Variants in ZNF100 observed in about 807,000 individuals in gnomAD.
ZNF100 encodes zinc finger protein 100 (Y1).
ZNF100 carries 12 observed loss-of-function variants against 15.8 expected under a neutral mutation model. The observed-to-expected ratio is 0.76, with a 90% CI of 0.49 to 1.23. The LOEUF is 1.23. Ranked by LOEUF, ZNF100 falls within the 50% of genes most tolerant of loss-of-function variation. The pLI is 0.00. For synonymous variants in ZNF100, 226 were observed against 214.8 expected, an observed-to-expected ratio of 1.05 and a Z score of -0.45; for missense variants, 670 against 635.6, an observed-to-expected ratio of 1.05 and a Z score of -0.58.
At chr19:21,767,009 G>T (rs12982550) in intron 1 of ZNF100, among the ~76,000 whole-genome samples, 1,678 of 145,516 alleles carry the variant, frequency 0.012, 15 homozygotes, top group Middle Eastern at 0.018. Context: ...CAAAAAAATC[G>T]TTAATATTTG....
intron 4 of ZNF100, among the ~76,000 whole-genome samples, chr19:21,735,560 G>A (rs2035994441): frequency 1.3e-5 from 2 of 150,004 alleles, no homozygotes; most frequent in South Asian, 4.2e-4. Flanking sequence ...TCAACTCACT[G>A]GTGTGCTGTA....
chr19:21,730,937 A>G (rs1159035803), intron 4 of ZNF100, among the ~76,000 whole-genome samples: 2 of 152,306 alleles, frequency 1.3e-5, no homozygotes, highest in Admixed American at 1.3e-4. Context: ...AAATGTCCAT[A>G]CTTTTCAAAG....
At chr19:21,732,318 T>C (rs958490002) in intron 4 of ZNF100, among the ~76,000 whole-genome samples, 12 of 152,224 alleles carry the variant, frequency 7.9e-5, no homozygotes, top group East Asian at 1.9e-4. Flanking sequence ...ACAACAGATA[T>C]TGAAATTAGG....
intron 2 of ZNF100, among the ~76,000 whole-genome samples, chr19:21,764,903 A>G (rs2036535559): frequency 6.6e-6 from 1 of 152,108 alleles, no homozygotes; most frequent in Non-Finnish European, 1.5e-5. Flanking sequence ...CCAATTATCC[A>G]CCACATTTTC....
At chr19:21,733,685 C>T (rs1472575389) in intron 4 of ZNF100, among the ~76,000 whole-genome samples, 1 of 152,258 alleles carries the variant, frequency 6.6e-6, no homozygotes, top group Non-Finnish European at 1.5e-5. Flanking sequence ...CAGTGAAGCA[C>T]ACCCCCTTCA....
At chr19:21,763,975 A>G (rs2145749523) in intron 2 of ZNF100, among the ~76,000 whole-genome samples, 1 of 152,310 alleles carries the variant, frequency 6.6e-6, no homozygotes, top group Non-Finnish European at 1.5e-5. Flanking sequence ...TAAAACAATA[A>G]CAACTTCATC....
At chr19:21,761,531 G>A (rs564474022) in intron 2 of ZNF100, among the ~76,000 whole-genome samples, 76 of 152,078 alleles carry the variant, frequency 5.0e-4, no homozygotes, top group Admixed American at 1.0e-3. Context: ...CCTGGCTAGC[G>A]GTAAATAAAA....
chr19:21,732,434 G>A (rs186613975), intron 4 of ZNF100, among the ~76,000 whole-genome samples: 1 of 152,086 alleles, frequency 6.6e-6, no homozygotes, highest in African/African-American at 2.4e-5. Flanking sequence ...TATTTGTAGA[G>A]GCAAACAAAC....
rs138292237 is a variant in ZNF100, at chr19:21,727,323, G to T, written c.989C>A (p.Ser330Ter). Residue 330 changes from serine (S) to a stop codon, truncating the protein, a stop_gained, in exon 5 of 5, where the codon TCA becomes TAA. Transcript: ENST00000358296. LOFTEE classifies it low-confidence loss of function (END_TRUNC). ...AATTATCCTGTGTGTAGTAAGGTGT[G>T]AGGACCGGTTAAAAGCTTTGCCACA... The part of the protein sequence containing the change: ...TECGKAFNRS[S>*]HLTTHRIIHT... 15,058 of 1,609,488 alleles carry T rather than the reference G, an allele frequency of 9.4e-3. 132 individuals are homozygous for T. Among genetic ancestry groups the T allele is most frequent in the Non-Finnish European group, 0.01 (12,243 of 1,176,558 alleles).
At chr19:21,736,680 A>T (rs2036013835) in intron 4 of ZNF100, among the ~76,000 whole-genome samples, 2 of 152,218 alleles carry the variant, frequency 1.3e-5, no homozygotes, top group South Asian at 4.1e-4. Flanking sequence ...CAAAAGAACC[A>T]AAATCATAAC....
Position 21,727,695 on chromosome 19 carries a change from T to G in ZNF100, c.617A>C (p.Lys206Thr). Residue 206 changes from lysine (K) to threonine (T), a missense_variant, in exon 5 of 5, where the codon AAA becomes ACA. Lys to Thr is a moderately conservative substitution (Grantham distance 78). Coordinates refer to ENST00000358296, the MANE Select transcript of ZNF100 (RefSeq NM_173531.4). ...KIRHTRKKPF[K>T]CKKCEKSFCM... ...AAATGATTTTTCACATTTTTTACAT[T>G]TGAAAGGTTTCTTTCTAGTATGTCT... The G allele has an allele frequency of 1.9e-6, 3 of 1,613,310 alleles. No individual in the cohort carries two copies. Among genetic ancestry groups the G allele is most frequent in the Non-Finnish European group, 2.5e-6 (3 of 1,179,754 alleles).
intron 2 of ZNF100, among the ~76,000 whole-genome samples, chr19:21,756,572 G>A (rs950760988): frequency 2.0e-5 from 3 of 152,086 alleles, no homozygotes; most frequent in African/African-American, 7.2e-5. Flanking sequence ...ATCAAACACT[G>A]CTTAAAGAAG....
chr19:21,752,750 TAATATAGTTTGGGCCCTCC>T (rs1327547096), intron 2 of ZNF100: 1 of 152,280 alleles, frequency 6.6e-6, no homozygotes, highest in Non-Finnish European at 1.5e-5. Flanking sequence ...TTTTAAGCTT[TAATATAGTTTGGGCCCTCC>T]AAGGTACTGC....
At chr19:21,751,242 C>G in intron 2 of ZNF100, 2 of 1,234,694 alleles carry the variant, frequency 1.6e-6, no homozygotes, top group Admixed American at 3.4e-5. Context: ...ACAGAACAGT[C>G]AGCCAGCCTA....
chr19:21,755,282 G>A (rs2036374581), intron 2 of ZNF100, among the ~76,000 whole-genome samples: 1 of 151,388 alleles, frequency 6.6e-6, no homozygotes, highest in African/African-American at 2.4e-5. Context: ...ACTCCAGCCT[G>A]GCCAATGAGA....
chr19:21,765,561 A>T, intron 2 of ZNF100, 133 bp downstream of exon 2: 1 of 745,926 alleles, frequency 1.3e-6, no homozygotes, highest in Non-Finnish European at 2.2e-6. Context: ...TGCCCCCCTT[A>T]GATGATCCAG....
In ZNF100 at chr19:21,726,342, T is replaced by C. The variant is rs1341872378; in HGVS notation, c.*341A>G. 2 of 224,798 alleles carry C rather than the reference T, an allele frequency of 8.9e-6. No individual in the cohort carries two copies. The highest frequency in any genetic ancestry group is 2.3e-5 in the African/African-American group (1 of 43,414). The allele number at this position is 224,798 out of a possible 1,614,324, so 13.9% of individuals were successfully genotyped here. On this transcript the variant is annotated 3_prime_UTR_variant, in exon 5 of 5. Coordinates refer to ENST00000358296, the MANE Select transcript of ZNF100 (RefSeq NM_173531.4). ...AAGGTGTGAGCATTAGTTAAAAGTT[T>C]TGTCACACTGTTCACACATGTAGAA...
intron 2 of ZNF100, among the ~76,000 whole-genome samples, chr19:21,758,773 G>C (rs948635129): frequency 1.3e-5 from 2 of 152,124 alleles, no homozygotes; most frequent in Non-Finnish European, 2.9e-5. Context: ...TCAGAATCCT[G>C]TGGTGATAGC....
chr19:21,736,170 C>G (rs939685424), intron 4 of ZNF100, among the ~76,000 whole-genome samples: 1 of 152,132 alleles, frequency 6.6e-6, no homozygotes, highest in African/African-American at 2.4e-5. Flanking sequence ...TCACTGCAAC[C>G]TTCACTTCGC....
Sources: gnomAD v4.1 joint callset for allele counts (sites outside exome capture counted in the v4.1 genomes callset) on GRCh38, gnomAD v4.1.1 for gene constraint, MANE v1.5 for transcripts, NCBI Gene and HGNC (gene_info 2026-07-23, HGNC 2026-07-21) for gene names.